The following DNAH12 variants were observed in gnomAD, a reference collection of about 807,000 sequenced individuals.
DNAH12 encodes dynein axonemal heavy chain 12.
DNAH12 carries 285 observed loss-of-function variants against 371.5 expected under a neutral mutation model. The observed-to-expected ratio is 0.77, with a 90% CI of 0.70 to 0.85. The LOEUF is 0.85. Among genes scored for constraint, DNAH12 ranks in the 40% least tolerant of loss-of-function variants. The pLI is 0.00. For missense variants in DNAH12, 3,611 were observed against 3,689.4 expected (o/e 0.98, Z 0.55); for synonymous variants, 1,200 against 1,213.0 (o/e 0.99, Z 0.22).
intron 69 of DNAH12, among the ~76,000 whole-genome samples, chr3:57,302,201 T>G (rs947269339): frequency 2.6e-5 from 4 of 152,142 alleles, no homozygotes; most frequent in Non-Finnish European, 5.9e-5. Context: ...CTATTTTTGC[T>G]TAGGACCTGG....
In DNAH12 at chr3:57,492,991, C is replaced by T. The variant is rs1045075385; in HGVS notation, c.1336-3304G>A. On this transcript the variant is annotated intron_variant, in intron 11 of 73. Coordinates refer to ENST00000495027, the MANE Select transcript of DNAH12 (RefSeq NM_001366028.2). ...CTGCACTCCAGCCTGGGCGACAGGGCGAAACTCCATCTCAAAACAAACAAA... is the reference window on the plus strand; with the variant it reads ...CTGCACTCCAGCCTGGGCGACAGGGTGAAACTCCATCTCAAAACAAACAAA... Among the ~76,000 whole-genome samples, 8 of 143,300 alleles carry T rather than the reference C, an allele frequency of 5.6e-5. No homozygotes were observed. In the South Asian group the frequency reaches 1.2e-3, roughly 21 times the overall value. 94.0% of individuals were successfully genotyped at this position (143,300 alleles called of 152,430 possible). A position where few individuals can be genotyped will look rare whatever the true frequency, so the allele number is the denominator to read the frequency against.
chr3:57,356,225 T>C (rs1350816740), intron 59 of DNAH12, among the ~76,000 whole-genome samples: 1 of 152,050 alleles, frequency 6.6e-6, no homozygotes, highest in Non-Finnish European at 1.5e-5. Flanking sequence ...GCAGATTTCT[T>C]GAGTCCAGGA....
chr3:57,487,315 G>T (rs950896472), intron 12 of DNAH12, among the ~76,000 whole-genome samples: 1 of 107,970 alleles, frequency 9.3e-6, no homozygotes, highest in African/African-American at 4.2e-5. Context: ...AAGGGAGAGA[G>T]AGAGAGAAAG....
chr3:57,329,742 C>T (rs1364238238), intron 62 of DNAH12, among the ~76,000 whole-genome samples: 2 of 151,344 alleles, frequency 1.3e-5, no homozygotes, highest in African/African-American at 4.9e-5. Flanking sequence ...AGCTTCTGCA[C>T]AGCAAAAGAA....
intron 62 of DNAH12, among the ~76,000 whole-genome samples, chr3:57,326,170 C>A (rs1419951444): frequency 2.6e-5 from 4 of 152,110 alleles, no homozygotes; most frequent in African/African-American, 7.2e-5. Flanking sequence ...CCCAATCTAG[C>A]AAGGCAGGCC....
chr3:57,459,609 A>G lies in DNAH12; in HGVS notation c.2914T>C (p.Cys972Arg), dbSNP rs947964716. Residue 972 changes from cysteine (C) to arginine (R), a missense_variant, in exon 20 of 74, where the codon TGT becomes CGT. Physicochemically the swap from Cys to Arg is radical, Grantham distance 180. Around this residue, in one of 3 missense-constraint regions of DNAH12, gnomAD observed 1,314 missense variants for 1,398.7 expected, o/e 0.94. Transcript: ENST00000495027. The part of the protein sequence containing the change: ...DRHWRDIMKF[C>R]AKDPKVLAAT... ...CACTTCACCTTTGGATCTTTAGCAC[A>G]AAACTTCATGATATCTCTCCAGTGT... is the stretch of plus-strand genomic sequence containing the variant. 6.7e-7 allele frequency: 1 copy of G among 1,501,646 alleles called. No homozygotes were observed. The highest frequency in any genetic ancestry group is 1.4e-5 in the African/African-American group (1 of 71,978). 93.0% of individuals were successfully genotyped at this position (1,501,646 alleles called of 1,614,324 possible).
chr3:57,454,291 A>C (rs1194351622), intron 23 of DNAH12, among the ~76,000 whole-genome samples: 1 of 151,884 alleles, frequency 6.6e-6, no homozygotes, highest in Non-Finnish European at 1.5e-5. Flanking sequence ...GACCAGCCTG[A>C]CCAACATGGA....
At position 57,405,642 on chromosome 3, in the gene DNAH12, G is replaced by T. The variant is rs375350673; in HGVS notation, c.6576+11C>A. 3 of 1,546,890 alleles carry T rather than the reference G, an allele frequency of 1.9e-6. No individual in the cohort carries two copies. Among genetic ancestry groups the T allele is most frequent in the East Asian group, 2.4e-5 (1 of 40,860 alleles). On this transcript the variant is annotated intron_variant, in intron 41 of 73. Coordinates refer to ENST00000495027, the MANE Select transcript of DNAH12 (RefSeq NM_001366028.2). ...GCTTTAACTCAATATGTTCTTAATC[G>T]CCATACTCACTGGTGCATTTTGTTT... is the stretch of plus-strand genomic sequence containing the variant.
chr3:57,415,291 T>C (rs1184955675), intron 38 of DNAH12, 135 bp downstream of exon 38: 3 of 1,219,334 alleles, frequency 2.5e-6, no homozygotes, highest in East Asian at 2.9e-5. Flanking sequence ...TTCCAAAAAC[T>C]TGTAACTCCC....
In DNAH12 at chr3:57,352,283, T is replaced by C. The variant is rs570493433; in HGVS notation, c.9534-58A>G. ...AACAAAACTAAGAAAATATAAGCAA[T>C]GTGAATTAACATATACACTTTTTAT... On this transcript the variant is annotated intron_variant, in intron 59 of 73. Coordinates refer to ENST00000495027, the MANE Select transcript of DNAH12 (RefSeq NM_001366028.2). 1.3e-4 allele frequency: 189 copies of C among 1,468,560 alleles called. 2 individuals are homozygous for C. The highest frequency in any genetic ancestry group is 1.1e-3 in the Admixed American group (41 of 38,236). 91.0% of individuals were successfully genotyped at this position (1,468,560 alleles called of 1,614,324 possible).
intron 13 of DNAH12, among the ~76,000 whole-genome samples, chr3:57,477,968 T>C (rs1429027311): frequency 1.3e-5 from 2 of 151,884 alleles, no homozygotes; most frequent in Non-Finnish European, 2.9e-5. Flanking sequence ...ACCACAAAGA[T>C]GGGGAAAAAA....
intron 64 of DNAH12, 134 bp from the exon 65 acceptor site, chr3:57,322,617 T>C: frequency 9.1e-7 from 1 of 1,098,516 alleles, no homozygotes; most frequent in Non-Finnish European, 1.2e-6. Context: ...AGGTTAAGCA[T>C]CTGAGGCTTG....
rs906392534 is a variant in DNAH12, at chr3:57,405,151, T to C, written c.6577-4A>G. On this transcript the variant is annotated splice_polypyrimidine_tract_variant and splice_region_variant and intron_variant, in intron 41 of 73. Coordinates refer to ENST00000495027, the MANE Select transcript of DNAH12 (RefSeq NM_001366028.2). ...TTCTTAAGTCTTCTTCAGTTACCTATAGAAAGGAAATCAACAAATTTTAAA... is the reference window on the plus strand; with the variant it reads ...TTCTTAAGTCTTCTTCAGTTACCTACAGAAAGGAAATCAACAAATTTTAAA... 1 of 1,505,030 alleles carries C rather than the reference T, an allele frequency of 6.6e-7. No individual in the cohort carries two copies. The highest frequency in any genetic ancestry group is 8.8e-7 in the Non-Finnish European group (1 of 1,134,310). 93.2% of individuals were successfully genotyped at this position (1,505,030 alleles called of 1,614,324 possible).
At chr3:57,325,990 G>A (rs545676497) in intron 62 of DNAH12, among the ~76,000 whole-genome samples, 39 of 152,040 alleles carry the variant, frequency 2.6e-4, no homozygotes, top group Admixed American at 1.8e-3. Flanking sequence ...GAAATGAAGC[G>A]AGAAGGGAAG....
rs1188147887 is a variant in DNAH12 at position 57,519,697 on chromosome 3, TC to T, written c.279+3885del. The T allele has an allele frequency of 3.1e-6, 5 of 1,609,984 alleles. No individual in the cohort carries two copies. The East Asian group carries it at 1.1e-4, about 36-fold the overall frequency. ...TTTGCCGATTCTTTGGGCCACCCAG[TC>T]CTGCTGGCAGAGAGGGCAGCGATTG... On this transcript the variant is annotated intron_variant, in intron 4 of 73. Transcript: ENST00000495027.
rs2065450605 is a variant in DNAH12 at position 57,445,328 on chromosome 3, G to A, written c.4271C>T (p.Pro1424Leu). Residue 1424 changes from proline (P) to leucine (L), a missense_variant, in exon 28 of 74, where the codon CCT (proline) becomes CTT (leucine). Pro to Leu is a moderately conservative substitution (Grantham distance 98). Transcript: ENST00000495027. ...LYSYGFLNAR[P>L]LSVKIVMTYR... Reference sequence around the variant, plus strand: ...GGTCATTACTATTTTCACAGACAGAGGTCTTGCATTCAAAAATCCGTAAGA... The same window carrying A: ...GGTCATTACTATTTTCACAGACAGAAGTCTTGCATTCAAAAATCCGTAAGA... The A allele has an allele frequency of 1.3e-6, 2 of 1,551,352 alleles. No individual in the cohort carries two copies. The highest frequency in any genetic ancestry group is 1.7e-4 in the Middle Eastern group (1 of 6,014).
chr3:57,450,858 T>G (rs1559675796), intron 25 of DNAH12, among the ~76,000 whole-genome samples: 1 of 152,358 alleles, frequency 6.6e-6, no homozygotes, highest in East Asian at 1.9e-4. Flanking sequence ...ATCCCCCATT[T>G]GCTGTGTCAG....
intron 17 of DNAH12, among the ~76,000 whole-genome samples, chr3:57,464,967 T>G (rs1433687131): frequency 6.6e-6 from 1 of 152,182 alleles, no homozygotes; most frequent in African/African-American, 2.4e-5. Context: ...CTCTTTTCCG[T>G]CCCCTAGAGG....
intron 43 of DNAH12, among the ~76,000 whole-genome samples, chr3:57,399,373 A>G (rs920770030): frequency 6.6e-6 from 1 of 151,970 alleles, no homozygotes; most frequent in Non-Finnish European, 1.5e-5. Flanking sequence ...CAATCAAAAG[A>G]CATAGAGTGG....
Sources: gnomAD v4.1 joint callset for allele counts (sites outside exome capture counted in the v4.1 genomes callset) on GRCh38, gnomAD v4.1.1 for gene constraint, gnomAD v4.1.1 regional missense constraint, MANE v1.5 for transcripts, NCBI Gene and HGNC (gene_info 2026-07-23, HGNC 2026-07-21) for gene names.